The following TEAD1 variants were observed in gnomAD, a reference collection of about 807,000 sequenced individuals.
TEAD1 encodes the protein TEA domain transcription factor 1.
Under a neutral mutation model 54.9 loss-of-function variants are expected in TEAD1, and 9 were observed. The ratio of observed to expected loss-of-function variants is 0.16; its 90% CI spans 0.10 to 0.29. The LOEUF (loss-of-function observed/expected upper bound fraction) is 0.29. Among genes scored for constraint, TEAD1 ranks in the 10% least tolerant of loss-of-function variants. The probability of loss-of-function intolerance (pLI) is 1.00; values close to 1 mark genes in which losing one functional copy is unlikely to be tolerated. For missense variants in TEAD1, 387 were observed against 535.9 expected (o/e 0.72, Z 2.74); for synonymous variants, 200 against 187.8 (o/e 1.07, Z -0.53).
intron 2 of TEAD1, among the ~76,000 whole-genome samples, chr11:12,763,032 A>G (rs746077204): frequency 6.6e-6 from 1 of 151,990 alleles, no homozygotes; most frequent in Admixed American, 6.6e-5. Context: ...TTTCTCTCTC[A>G]TTTTTGGGAG....
In TEAD1 at chr11:12,867,053, G is replaced by T. The variant is rs146584627; in HGVS notation, c.330+2153G>T. Among the ~76,000 whole-genome samples, 61 of 152,270 alleles carry T rather than the reference G, an allele frequency of 4.0e-4. No homozygotes were observed. The East Asian group carries it at 5.4e-3, about 14-fold the overall frequency. On this transcript the variant is annotated intron_variant, in intron 5 of 12. Coordinates refer to ENST00000527636, the MANE Select transcript of TEAD1 (RefSeq NM_021961.6). ...CCCTCATTTAAGCTCACTATGAAGT[G>T]ACTTACAGTATTCTGCTTTTGGGGC...
At chr11:12,770,889 A>G (rs1001039984) in intron 3 of TEAD1, among the ~76,000 whole-genome samples, 1 of 152,250 alleles carries the variant, frequency 6.6e-6, no homozygotes, top group East Asian at 1.9e-4. Context: ...GCTAACTTTG[A>G]ACTTTGGGAA....
At chr11:12,814,601 C>T (rs1946375127) in intron 3 of TEAD1, among the ~76,000 whole-genome samples, 2 of 152,168 alleles carry the variant, frequency 1.3e-5, no homozygotes, top group Non-Finnish European at 2.9e-5. Flanking sequence ...GATTCAGAAG[C>T]CGAATAAATG....
intron 10 of TEAD1, chr11:12,921,038 TTAATA>T (rs1202192867): frequency 1.3e-5 from 2 of 152,168 alleles, no homozygotes; most frequent in Non-Finnish European, 2.9e-5. Flanking sequence ...TTTAGAAAAG[TTAATA>T]TAATGTGCTA....
chr11:12,824,660 G>T (rs1369471930), intron 3 of TEAD1, among the ~76,000 whole-genome samples: 2 of 152,192 alleles, frequency 1.3e-5, no homozygotes, highest in African/African-American at 4.8e-5. Context: ...GCCATTACCA[G>T]TTTACTCCTA....
intron 2 of TEAD1, among the ~76,000 whole-genome samples, chr11:12,757,945 A>G (rs1173394931): frequency 6.6e-6 from 1 of 151,790 alleles, no homozygotes; most frequent in Non-Finnish European, 1.5e-5. Context: ...ACGCCTGACT[A>G]ATTTTTGTAT....
At chr11:12,873,176 A>G (rs1385969198) in intron 5 of TEAD1, among the ~76,000 whole-genome samples, 2 of 152,210 alleles carry the variant, frequency 1.3e-5, no homozygotes, top group Non-Finnish European at 2.9e-5. Context: ...TTTGAAAGAA[A>G]TAGAAGAAGG....
At chr11:12,820,059 A>G (rs925253605) in intron 3 of TEAD1, among the ~76,000 whole-genome samples, 11 of 151,590 alleles carry the variant, frequency 7.3e-5, no homozygotes, top group Non-Finnish European at 1.5e-4. Flanking sequence ...TGGGAAGGTG[A>G]AGGGGAGGTG....
intron 3 of TEAD1, among the ~76,000 whole-genome samples, chr11:12,830,747 C>G (rs2134016820): frequency 6.6e-6 from 1 of 151,778 alleles, no homozygotes; most frequent in East Asian, 1.9e-4. Flanking sequence ...TGCAATCACA[C>G]ACACACACAT....
At chr11:12,852,799 G>C (rs966119558) in intron 3 of TEAD1, among the ~76,000 whole-genome samples, 10 of 152,154 alleles carry the variant, frequency 6.6e-5, no homozygotes, top group African/African-American at 2.4e-4. Context: ...AGATGTGAAA[G>C]ACATGGACTG....
intron 10 of TEAD1, among the ~76,000 whole-genome samples, chr11:12,903,724 A>G (rs2134131074): frequency 6.6e-6 from 1 of 152,284 alleles, no homozygotes. Context: ...AGGTGGGAGG[A>G]TAGCTTGAGC....
chr11:12,856,802 A>C (rs1382621822), intron 3 of TEAD1, among the ~76,000 whole-genome samples: 2 of 152,182 alleles, frequency 1.3e-5, no homozygotes, highest in South Asian at 4.1e-4. Context: ...AGGGCAGTCC[A>C]GTCCTTCATG....
At chr11:12,933,335 A>G (rs1413854199) in intron 12 of TEAD1, among the ~76,000 whole-genome samples, 1 of 152,208 alleles carries the variant, frequency 6.6e-6, no homozygotes, top group Non-Finnish European at 1.5e-5. Context: ...TAGTTTTAGA[A>G]AAACTGAAAT....
intron 3 of TEAD1, among the ~76,000 whole-genome samples, chr11:12,789,907 T>TG (rs371352949): frequency 6.6e-6 from 1 of 152,184 alleles, no homozygotes; most frequent in Non-Finnish European, 1.5e-5. Flanking sequence ...CCCACCTTGG[T>TG]GGGGGGCTGC....
intron 3 of TEAD1, among the ~76,000 whole-genome samples, chr11:12,793,947 AT>A (rs1452738646): frequency 1.9e-4 from 29 of 152,324 alleles, no homozygotes; most frequent in Non-Finnish European, 4.1e-4. Context: ...ACTTTGAAGA[AT>A]TGGTTTTGGA....
intron 5 of TEAD1, among the ~76,000 whole-genome samples, chr11:12,870,741 C>A (rs749932752): frequency 5.9e-5 from 9 of 152,040 alleles, no homozygotes; most frequent in Non-Finnish European, 1.2e-4. Flanking sequence ...AAAAAATTAG[C>A]CAGGTATGGC....
chr11:12,910,958 G>C (rs79358535), intron 10 of TEAD1, among the ~76,000 whole-genome samples: 1 of 152,052 alleles, frequency 6.6e-6, no homozygotes, highest in African/African-American at 2.4e-5. Flanking sequence ...TGTTGGCCAG[G>C]CTGGTCTTGA....
intron 3 of TEAD1, among the ~76,000 whole-genome samples, chr11:12,798,079 T>G (rs911122925): frequency 6.6e-6 from 1 of 152,216 alleles, no homozygotes; most frequent in African/African-American, 2.4e-5. Context: ...GTATTTCCAC[T>G]TTTATGTTGC....
chr11:12,688,445 T>C (rs746301233), intron 2 of TEAD1, among the ~76,000 whole-genome samples: 1 of 152,260 alleles, frequency 6.6e-6, no homozygotes, highest in Non-Finnish European at 1.5e-5. Context: ...GATCACTGAT[T>C]GCCAGTTTTT....
Sources: gnomAD v4.1 joint callset for allele counts (sites outside exome capture counted in the v4.1 genomes callset) on GRCh38, gnomAD v4.1.1 for gene constraint, MANE v1.5 for transcripts, NCBI Gene and HGNC (gene_info 2026-07-23, HGNC 2026-07-21) for gene names.